The following USP3 variants were observed in gnomAD, a reference collection of about 807,000 sequenced individuals.
USP3 encodes the protein ubiquitin carboxyl-terminal hydrolase 3.
USP3 carries 20 observed loss-of-function variants against 72.3 expected under a neutral mutation model. The ratio of observed to expected loss-of-function variants is 0.28; its 90% confidence interval spans 0.19 to 0.40. The LOEUF (loss-of-function observed/expected upper bound fraction) is 0.40, where lower values mean the gene tolerates loss of function less well. Among genes scored for constraint, USP3 ranks in the 10% least tolerant of loss-of-function variants. The pLI is 1.00. For missense variants in USP3, 479 were observed against 633.9 expected (o/e 0.76, Z 2.62); for synonymous variants, 222 against 225.3 (o/e 0.99, Z 0.13).
Position 63,591,280 on chromosome 15 carries a change from C to G in USP3, c.*454C>G, listed in dbSNP as rs1446779397. The G allele has an allele frequency of 6.5e-6, 1 of 154,296 alleles. No homozygotes were observed. Among genetic ancestry groups the G allele is most frequent in the Non-Finnish European group, 1.4e-5 (1 of 69,462 alleles). 9.6% of individuals were successfully genotyped at this position (154,296 alleles called of 1,614,324 possible). A position where few individuals can be genotyped will look rare whatever the true frequency, so the allele number is the denominator to read the frequency against. On this transcript the variant is annotated 3_prime_UTR_variant, in exon 15 of 15. Coordinates refer to ENST00000380324, the MANE Select transcript of USP3 (RefSeq NM_006537.4). ...CTCTAAATCAAGGATCATGTGTGCA[C>G]AATACTTGTGGCCCACAAAATTTCA...
chr15:63,544,539 G>A lies in USP3; in HGVS notation c.284+7383G>A, dbSNP rs966098027. 1.0e-5 allele frequency: 6 copies of A among 578,128 alleles called. No homozygotes were observed. The African/African-American group carries it at 1.1e-4, about 11-fold the overall frequency. 35.8% of individuals were successfully genotyped at this position (578,128 alleles called of 1,614,324 possible). A position where few individuals can be genotyped will look rare whatever the true frequency, so the allele number is the denominator to read the frequency against. On this transcript the variant is annotated intron_variant, in intron 3 of 14. Transcript: ENST00000380324. The surrounding 1 kb of genome is among the most constrained non-coding windows in gnomAD (Gnocchi z 4.2). Reference sequence around the variant, plus strand: ...GGGCAAAAACAGGAAGGAAACGAGTGTTTCTAAAGTTAGAATTTTTTAAAG... The same window carrying A: ...GGGCAAAAACAGGAAGGAAACGAGTATTTCTAAAGTTAGAATTTTTTAAAG...
At chr15:63,576,487 G>T (rs945800586) in intron 11 of USP3, among the ~76,000 whole-genome samples, 1 of 152,170 alleles carries the variant, frequency 6.6e-6, no homozygotes, top group African/African-American at 2.4e-5. Flanking sequence ...TCCCAGAATA[G>T]TTTAATATCA....
intron 1 of USP3, chr15:63,515,317 T>A (rs1004681087): frequency 6.6e-6 from 1 of 152,270 alleles, no homozygotes; most frequent in African/African-American, 2.4e-5. Flanking sequence ...TTTTTGAGAA[T>A]ATGTTGTTTC....
chr15:63,514,730 T>G (rs560225705), intron 1 of USP3, among the ~76,000 whole-genome samples: 2 of 152,322 alleles, frequency 1.3e-5, no homozygotes, highest in African/African-American at 4.8e-5. Flanking sequence ...GGGTGCTTCC[T>G]TAAATATATA....
intron 5 of USP3, 84 bp downstream of exon 5, chr15:63,556,832 C>A: frequency 3.4e-5 from 31 of 916,878 alleles, no homozygotes; most frequent in Non-Finnish European, 4.8e-5. Flanking sequence ...GTAATGTTAC[C>A]TGTTACAGAC....
rs767421657 is a variant in USP3 at position 63,588,932 on chromosome 15, C to A, written c.1330-12C>A. On this transcript the variant is annotated splice_polypyrimidine_tract_variant and intron_variant, in intron 13 of 14. Transcript: ENST00000380324. This position sits in a 1 kb window ranked among gnomAD's most constrained non-coding sequence, Gnocchi z 4.6. ...TGTCATTGACCACTGCTCCTTCTTC[C>A]TTGTTCTGTAGCCTGAGAACAGTGG... 3.1e-5 allele frequency: 50 copies of A among 1,614,078 alleles called. No individual in the cohort carries two copies. Among genetic ancestry groups the A allele is most frequent in the Non-Finnish European group, 3.9e-5 (46 of 1,180,038 alleles).
chr15:63,573,205 A>T (rs565862758), intron 9 of USP3, among the ~76,000 whole-genome samples: 1 of 152,236 alleles, frequency 6.6e-6, no homozygotes, highest in Non-Finnish European at 1.5e-5. Flanking sequence ...CTTCATACTA[A>T]TAAAATAGTG....
chr15:63,591,424 A>G lies in USP3; in HGVS notation c.*598A>G, dbSNP rs1222004113. On this transcript the variant is annotated 3_prime_UTR_variant, in exon 15 of 15. Coordinates refer to ENST00000380324, the MANE Select transcript of USP3 (RefSeq NM_006537.4). ...TGCTGTCTTTATCAGCACTAACTAA[A>G]TAAATTTGTTGGTTCAGTTGTACTT... 6.6e-6 allele frequency: 1 copy of G among 152,228 alleles called. No homozygotes were observed. The highest frequency in any genetic ancestry group is 1.5e-5 in the Non-Finnish European group (1 of 68,040). 9.4% of individuals were successfully genotyped at this position (152,228 alleles called of 1,614,324 possible). A position where few individuals can be genotyped will look rare whatever the true frequency, so the allele number is the denominator to read the frequency against.
At chr15:63,504,907 G>C in intron 1 of USP3, 77 bp downstream of exon 1, 1 of 1,171,170 alleles carries the variant, frequency 8.5e-7, no homozygotes. Context: ...AGGGGCCGCA[G>C]GCGGCCGGCG....
rs985239889 is a variant in USP3 at position 63,570,294 on chromosome 15, G to A, written c.762-139G>A. Reference sequence around the variant, plus strand: ...AAATTCTGTCACCTGTGGAGCTTTCGGGCATGAAGGTGAGGAAGCCTGGCT... The same window carrying A: ...AAATTCTGTCACCTGTGGAGCTTTCAGGCATGAAGGTGAGGAAGCCTGGCT... On this transcript the variant is annotated intron_variant, in intron 8 of 14. Coordinates refer to ENST00000380324, the MANE Select transcript of USP3 (RefSeq NM_006537.4). The surrounding 1 kb of genome is among the most constrained non-coding windows in gnomAD (Gnocchi z 4.4). 9.1e-5 allele frequency: 98 copies of A among 1,078,850 alleles called. No homozygotes were observed. Among genetic ancestry groups the A allele is most frequent in the Admixed American group, 1.4e-4 (5 of 36,574 alleles). The allele number at this position is 1,078,850 out of a possible 1,614,324, so 66.8% of individuals were successfully genotyped here.
intron 1 of USP3, among the ~76,000 whole-genome samples, chr15:63,518,848 C>T (rs1422549516): frequency 6.6e-6 from 1 of 151,990 alleles, no homozygotes; most frequent in Non-Finnish European, 1.5e-5. Context: ...TCACTGCAAG[C>T]TCCGCCTCCC....
At chr15:63,563,107 A>T (rs1470699011) in intron 8 of USP3, 99 bp downstream of exon 8, 1 of 846,176 alleles carries the variant, frequency 1.2e-6, no homozygotes, top group Non-Finnish European at 1.7e-6. Flanking sequence ...AATATTCTAA[A>T]TACTTAAGAC....
chr15:63,511,890 A>G (rs962740391), intron 1 of USP3, among the ~76,000 whole-genome samples: 5 of 150,450 alleles, frequency 3.3e-5, no homozygotes, highest in East Asian at 1.9e-4. Context: ...AGATTTTCCA[A>G]TTGTATTTCC....
intron 11 of USP3, among the ~76,000 whole-genome samples, chr15:63,581,783 C>G (rs1208151900): frequency 6.6e-6 from 1 of 151,868 alleles, no homozygotes; most frequent in African/African-American, 2.4e-5. Flanking sequence ...CAGCTTCAAC[C>G]TCTTAGTCTG....
At position 63,574,127 on chromosome 15, in the gene USP3, A is replaced by G; in HGVS notation, c.990A>G (p.Glu330=). Residue 330 remains glutamate (E), a synonymous_variant, in exon 10 of 15, where the codon GAA becomes GAG. Coordinates refer to ENST00000380324, the MANE Select transcript of USP3 (RefSeq NM_006537.4). This position sits in a 1 kb window ranked among gnomAD's most constrained non-coding sequence, Gnocchi z 4.6. ...TTAACTGCCTCATATGTGGGACAGA[A>G]TCTAGAAAGTTTGATCCATTCCTAG... ...NEVNCLICGT[E]SRKFDPFLDL... 1 of 1,593,248 alleles carries G rather than the reference A, an allele frequency of 6.3e-7. No homozygotes were observed. The highest frequency in any genetic ancestry group is 1.2e-5 in the South Asian group (1 of 85,520).
At chr15:63,512,353 C>CTT (rs2065799343) in intron 1 of USP3, among the ~76,000 whole-genome samples, 1 of 44,988 alleles carries the variant, frequency 2.2e-5, no homozygotes, top group Non-Finnish European at 7.4e-5. Context: ...CCTCCTCTTC[C>CTT]TCTTCTTCTT....
intron 11 of USP3, among the ~76,000 whole-genome samples, chr15:63,575,753 T>C (rs2066853073): frequency 2.0e-5 from 3 of 152,192 alleles, no homozygotes; most frequent in Admixed American, 6.5e-5. Flanking sequence ...ATGCTTGATA[T>C]TGTCAAATGT....
rs74018123 is a variant in USP3, at chr15:63,570,402, G to T, written c.762-31G>T. On this transcript the variant is annotated intron_variant, in intron 8 of 14. Coordinates refer to ENST00000380324, the MANE Select transcript of USP3 (RefSeq NM_006537.4). The surrounding 1 kb of genome is among the most constrained non-coding windows in gnomAD (Gnocchi z 4.4). ...GCTGGGCACAAAGAGCCCTCCACCC[G>T]GCCTTATAAGTGACTGTTTGTTTGC... 1 of 1,612,696 alleles carries T rather than the reference G, an allele frequency of 6.2e-7. No individual in the cohort carries two copies. Among genetic ancestry groups the T allele is most frequent in the East Asian group, 2.2e-5 (1 of 44,846 alleles).
chr15:63,550,116 T>C (rs1175503084), intron 3 of USP3, among the ~76,000 whole-genome samples: 1 of 152,214 alleles, frequency 6.6e-6, no homozygotes, highest in Non-Finnish European at 1.5e-5. Flanking sequence ...GCCTCCTTGG[T>C]TCAAGCGATT....
Sources: gnomAD v4.1 joint callset for allele counts (sites outside exome capture counted in the v4.1 genomes callset) on GRCh38, gnomAD v4.1.1 for gene constraint, Gnocchi (gnomAD v3.1) non-coding constraint, MANE v1.5 for transcripts, NCBI Gene and HGNC (gene_info 2026-07-23, HGNC 2026-07-21) for gene names.